Variants in GULP1 observed in about 807,000 individuals in gnomAD.
The protein encoded by GULP1 is PTB domain-containing engulfment adapter protein 1.
Under a neutral mutation model 40.9 loss-of-function variants are expected in GULP1, and 19 were observed. The ratio of observed to expected loss-of-function variants is 0.46; its 90% CI spans 0.32 to 0.68. The LOEUF (loss-of-function observed/expected upper bound fraction) is 0.68. Among genes scored for constraint, GULP1 ranks in the 30% least tolerant of loss-of-function variants. The probability of loss-of-function intolerance (pLI) is 0.03; values close to 1 mark genes in which losing one functional copy is unlikely to be tolerated. For missense variants in GULP1, 312 were observed against 362.2 expected (o/e 0.86, Z 1.12); for synonymous variants, 119 against 117.6 (o/e 1.01, Z -0.08).
chr2:188,347,614 A>ATC (rs2043861196), intron 1 of GULP1, among the ~76,000 whole-genome samples: 1 of 135,328 alleles, frequency 7.4e-6, no homozygotes, highest in East Asian at 2.2e-4. Context: ...ATCTCAAAGC[A>ATC]TTTTTTTTTT....
chr2:188,443,026 A>G lies in GULP1; in HGVS notation c.-44-34633A>G, dbSNP rs369689413. 4.6e-5 allele frequency among the ~76,000 whole-genome samples: 7 copies of G among 152,322 alleles called. No homozygotes were observed. In the East Asian group the frequency reaches 1.3e-3, roughly 29 times the overall value. ...CCTTATGAAGAAGAAAACAGCGGCA[A>G]CAACAAAAATCCCTTAACTGTTCAT... On this transcript the variant is annotated intron_variant, in intron 2 of 11. Coordinates refer to ENST00000409830, the MANE Select transcript of GULP1 (RefSeq NM_016315.4).
intron 4 of GULP1, among the ~76,000 whole-genome samples, chr2:188,516,851 T>G (rs2065226488): frequency 6.6e-6 from 1 of 152,198 alleles, no homozygotes; most frequent in Non-Finnish European, 1.5e-5. Context: ...TTTTGCACTC[T>G]CTGTTTCCTT....
chr2:188,554,099 T>TTTTG lies in GULP1; in HGVS notation c.399+12790_399+12793dup, dbSNP rs141093853. Among the ~76,000 whole-genome samples, 31 of 152,080 alleles carry TTTTG rather than the reference T, an allele frequency of 2.0e-4. No homozygotes were observed. The East Asian group carries it at 6.0e-3, about 29-fold the overall frequency. ...TTTTACTTATTTCAAAGAACCAATT[T>TTTTG]TTTGTTTGTTTGATCTTGTGTATTT... On this transcript the variant is annotated intron_variant, in intron 7 of 11. Transcript: ENST00000409830.
chr2:188,533,117 G>C (rs180838449), intron 6 of GULP1, among the ~76,000 whole-genome samples: 47 of 151,932 alleles, frequency 3.1e-4, no homozygotes, highest in African/African-American at 9.2e-4. Flanking sequence ...CCTGATTGTT[G>C]GTTATTTACC....
chr2:188,489,726 C>G (rs2062182867), intron 4 of GULP1, among the ~76,000 whole-genome samples: 2 of 151,996 alleles, frequency 1.3e-5, no homozygotes, highest in Non-Finnish European at 2.9e-5. Context: ...AATTAGAAAT[C>G]TGTAAAATGT....
In GULP1 at chr2:188,528,492, A is replaced by G. The variant is rs1033590890; in HGVS notation, c.163-605A>G. The stretch of plus-strand genomic sequence containing the variant: ...ATGAGAAAGTATAATAAATACTACT[A>G]TGAAAGTATTGAAAAAAAAAACTGT... On this transcript the variant is annotated intron_variant, in intron 5 of 11. Coordinates refer to ENST00000409830, the MANE Select transcript of GULP1 (RefSeq NM_016315.4). Among the ~76,000 whole-genome samples, 7 of 152,178 alleles carry G rather than the reference A, an allele frequency of 4.6e-5. No homozygotes were observed. The South Asian group carries it at 8.3e-4, about 18-fold the overall frequency.
chr2:188,547,701 C>G (rs2153360727), intron 7 of GULP1, among the ~76,000 whole-genome samples: 1 of 152,248 alleles, frequency 6.6e-6, no homozygotes, highest in African/African-American at 2.4e-5. Flanking sequence ...CACAGACACA[C>G]ACAGGATCAA....
Position 188,292,937 on chromosome 2 carries a change from G to A in GULP1, c.-172+771G>A, listed in dbSNP as rs2034104438. On this transcript the variant is annotated intron_variant, in intron 1 of 11. Coordinates refer to ENST00000409830, the MANE Select transcript of GULP1 (RefSeq NM_016315.4). This position sits in a 1 kb window ranked among gnomAD's most constrained non-coding sequence, Gnocchi z 4.0. ...TTCTCGTGGCCTCACTCGCCACACGGATCAGAATCCGGAGCAGGCAGTTCT... is the reference window on the plus strand; with the variant it reads ...TTCTCGTGGCCTCACTCGCCACACGAATCAGAATCCGGAGCAGGCAGTTCT... 1 of 152,388 alleles carries A rather than the reference G, an allele frequency of 6.6e-6. No homozygotes were observed. The highest frequency in any genetic ancestry group is 1.5e-5 in the Non-Finnish European group (1 of 68,168). 9.4% of individuals were successfully genotyped at this position (152,388 alleles called of 1,614,324 possible). A position where few individuals can be genotyped will look rare whatever the true frequency, so the allele number is the denominator to read the frequency against.
At chr2:188,438,170 C>G (rs1207878854) in intron 2 of GULP1, among the ~76,000 whole-genome samples, 1 of 151,982 alleles carries the variant, frequency 6.6e-6, no homozygotes, top group Non-Finnish European at 1.5e-5. Flanking sequence ...GAAACCAAGA[C>G]TAAGGTTAAT....
chr2:188,423,642 T>C (rs1575155034), intron 2 of GULP1, among the ~76,000 whole-genome samples: 1 of 151,854 alleles, frequency 6.6e-6, no homozygotes, highest in South Asian at 2.1e-4. Flanking sequence ...CAGTATTTTC[T>C]AGCTCTTTCT....
At chr2:188,413,227 C>A (rs1229285477) in intron 2 of GULP1, among the ~76,000 whole-genome samples, 2 of 152,162 alleles carry the variant, frequency 1.3e-5, no homozygotes, top group Non-Finnish European at 2.9e-5. Context: ...ATCACTGGGT[C>A]AAATGGTGTT....
intron 2 of GULP1, among the ~76,000 whole-genome samples, chr2:188,430,532 G>C (rs1215508528): frequency 6.6e-6 from 1 of 152,192 alleles, no homozygotes; most frequent in Non-Finnish European, 1.5e-5. Flanking sequence ...GACAACATGG[G>C]AAGTTGCCTG....
chr2:188,341,801 A>G (rs4667221), intron 1 of GULP1, among the ~76,000 whole-genome samples: 69,659 of 151,956 alleles, frequency 0.46, 16,657 homozygotes, highest in East Asian at 0.7. Flanking sequence ...ATAGGAAATT[A>G]TGGCTCAGAG....
chr2:188,309,517 A>T (rs956405321), intron 1 of GULP1, among the ~76,000 whole-genome samples: 2 of 152,174 alleles, frequency 1.3e-5, no homozygotes, highest in African/African-American at 4.8e-5. Flanking sequence ...TTGAGATTCC[A>T]ACTCAATATA....
At chr2:188,500,323 C>T (rs1331098756) in intron 4 of GULP1, among the ~76,000 whole-genome samples, 1 of 151,832 alleles carries the variant, frequency 6.6e-6, no homozygotes, top group Non-Finnish European at 1.5e-5. Context: ...AAATAAGGGA[C>T]ACAGATAAAG....
At chr2:188,368,222 G>A (rs1434545427) in intron 1 of GULP1, among the ~76,000 whole-genome samples, 1 of 152,114 alleles carries the variant, frequency 6.6e-6, no homozygotes, top group African/African-American at 2.4e-5. Context: ...GGTGTTGAGG[G>A]ATCTATAAAA....
At chr2:188,353,936 T>C (rs771265680) in intron 1 of GULP1, among the ~76,000 whole-genome samples, 6 of 151,974 alleles carry the variant, frequency 3.9e-5, no homozygotes, top group South Asian at 2.1e-4. Context: ...AGAGCTGACA[T>C]GGTACCCTGA....
chr2:188,389,522 TATGAGTCTTAGTGTA>T (rs1259931436), intron 2 of GULP1, among the ~76,000 whole-genome samples: 3 of 152,180 alleles, frequency 2.0e-5, no homozygotes, highest in African/African-American at 7.2e-5. Flanking sequence ...ATAAATGTAT[TATGAGTCTTAGTGTA>T]ATGGATAGGA....
chr2:188,377,684 A>C (rs982305588), intron 1 of GULP1, among the ~76,000 whole-genome samples: 2 of 152,200 alleles, frequency 1.3e-5, no homozygotes, highest in African/African-American at 4.8e-5. Context: ...AGTTATGTAA[A>C]TGGCACAATA....
Sources: gnomAD v4.1 joint callset for allele counts (sites outside exome capture counted in the v4.1 genomes callset) on GRCh38, gnomAD v4.1.1 for gene constraint, Gnocchi (gnomAD v3.1) non-coding constraint, MANE v1.5 for transcripts, NCBI Gene and HGNC (gene_info 2026-07-23, HGNC 2026-07-21) for gene names.